The following ZNF407 variants were observed in gnomAD, a reference collection of about 807,000 sequenced individuals.
ZNF407 encodes the protein zinc finger protein 407.
ZNF407 carries 17 observed loss-of-function variants against 131.2 expected under a neutral mutation model. The observed-to-expected ratio is 0.13, with a 90% confidence interval of 0.09 to 0.19. The LOEUF is 0.19. Among genes scored for constraint, ZNF407 ranks in the 10% least tolerant of loss-of-function variants. ZNF407 has a pLI of 1.00. For synonymous variants in ZNF407, 1,156 were observed against 1,062.0 expected (o/e 1.09, Z -1.72); for missense variants, 2,681 against 2,830.6 (o/e 0.95, Z 1.20).
At chr18:74,894,121 A>G (rs1418982350) in intron 7 of ZNF407, among the ~76,000 whole-genome samples, 1 of 152,052 alleles carries the variant, frequency 6.6e-6, no homozygotes, top group Non-Finnish European at 1.5e-5. Flanking sequence ...TGCATTATTA[A>G]TTTAGGCAAT....
intron 4 of ZNF407, among the ~76,000 whole-genome samples, chr18:74,864,203 CT>C (rs1413677887): frequency 1.3e-5 from 2 of 152,170 alleles, no homozygotes; most frequent in African/African-American, 4.8e-5. Flanking sequence ...CTTCCTTCTT[CT>C]TCTGGAGAGG....
At chr18:74,688,665 A>C (rs558623825) in intron 3 of ZNF407, among the ~76,000 whole-genome samples, 175 of 152,222 alleles carry the variant, frequency 1.1e-3, no homozygotes, top group African/African-American at 3.9e-3. Flanking sequence ...TTTAACATTA[A>C]GGTCTGTGAT....
intron 3 of ZNF407, among the ~76,000 whole-genome samples, chr18:74,722,887 T>C (rs567972759): frequency 2.9e-4 from 44 of 152,300 alleles, no homozygotes; most frequent in Non-Finnish European, 5.6e-4. Flanking sequence ...AAAGTTTCTT[T>C]TGTCACATTT....
intron 3 of ZNF407, among the ~76,000 whole-genome samples, chr18:74,765,330 A>G (rs1056158816): frequency 6.6e-6 from 1 of 151,260 alleles, no homozygotes; most frequent in Admixed American, 6.6e-5. Context: ...ATGCCTGGTA[A>G]TTTTTTCATT....
At chr18:74,793,819 A>G (rs963731331) in intron 4 of ZNF407, among the ~76,000 whole-genome samples, 1 of 152,128 alleles carries the variant, frequency 6.6e-6, no homozygotes, top group Non-Finnish European at 1.5e-5. Context: ...GGGAGGAAAG[A>G]CCTTCTTAGA....
chr18:75,033,611 C>T (rs548277314), intron 8 of ZNF407, among the ~76,000 whole-genome samples: 17 of 152,288 alleles, frequency 1.1e-4, no homozygotes, highest in South Asian at 4.1e-4. Context: ...AAGAATCCTG[C>T]GGTCATTTAT....
At chr18:75,028,176 A>G (rs1014457550) in intron 8 of ZNF407, among the ~76,000 whole-genome samples, 4 of 152,186 alleles carry the variant, frequency 2.6e-5, no homozygotes, top group African/African-American at 9.7e-5. Context: ...GCCCTGTGTC[A>G]GTTTGCGAGG....
intron 8 of ZNF407, among the ~76,000 whole-genome samples, chr18:75,003,423 C>CATAG (rs1219564384): frequency 1.3e-5 from 2 of 152,116 alleles, no homozygotes; most frequent in African/African-American, 2.4e-5. Context: ...TGTAGCCTTG[C>CATAG]ATAGAGTTCT....
Position 75,008,467 on chromosome 18 carries a change from A to G in ZNF407, c.5429-54683A>G, listed in dbSNP as rs539211516. ...CCTTGCAGCTGCTCTGCAGACCTCAAATGAGCTCCCAGGTGACAGAAATTG... is the reference window on the plus strand; with the variant it reads ...CCTTGCAGCTGCTCTGCAGACCTCAGATGAGCTCCCAGGTGACAGAAATTG... On this transcript the variant is annotated intron_variant, in intron 8 of 8. Transcript: ENST00000299687. Among the ~76,000 whole-genome samples the G allele has an allele frequency of 2.2e-3, 332 of 152,288 alleles. 2 individuals are homozygous for G. The highest frequency in any genetic ancestry group is 7.3e-3 in the African/African-American group (302 of 41,568).
chr18:74,638,544 T>C (rs890055154), intron 2 of ZNF407, among the ~76,000 whole-genome samples: 6 of 152,232 alleles, frequency 3.9e-5, no homozygotes, highest in Non-Finnish European at 8.8e-5. Context: ...TGCATAGCAA[T>C]AGTCATGACT....
intron 7 of ZNF407, among the ~76,000 whole-genome samples, chr18:74,898,747 C>A (rs935338690): frequency 6.6e-6 from 1 of 152,042 alleles, no homozygotes; most frequent in Non-Finnish European, 1.5e-5. Context: ...CATTTTGTTT[C>A]TTCATCTTAA....
intron 3 of ZNF407, among the ~76,000 whole-genome samples, chr18:74,641,504 C>T (rs1984715620): frequency 6.6e-6 from 1 of 151,832 alleles, no homozygotes; most frequent in Non-Finnish European, 1.5e-5. Context: ...CAATTTTTAT[C>T]ACAGTAGTAG....
intron 4 of ZNF407, among the ~76,000 whole-genome samples, chr18:74,841,448 G>A (rs1970632340): frequency 6.6e-6 from 1 of 152,030 alleles, no homozygotes; most frequent in South Asian, 2.1e-4. Context: ...TTTAAAGTTG[G>A]CGGTACTCCC....
chr18:74,873,129 G>T (rs72977466), intron 4 of ZNF407, among the ~76,000 whole-genome samples: 2 of 152,038 alleles, frequency 1.3e-5, no homozygotes, highest in Non-Finnish European at 2.9e-5. Flanking sequence ...GTTTCTCTGA[G>T]GCCAAAATAT....
chr18:74,879,438 C>T (rs909223700), intron 5 of ZNF407, among the ~76,000 whole-genome samples: 2 of 152,012 alleles, frequency 1.3e-5, no homozygotes, highest in South Asian at 2.1e-4. Context: ...TTGGAGGGAA[C>T]GATTTTGCCT....
At chr18:74,688,381 T>G (rs545262412) in intron 3 of ZNF407, among the ~76,000 whole-genome samples, 1 of 152,326 alleles carries the variant, frequency 6.6e-6, no homozygotes, top group African/African-American at 2.4e-5. Flanking sequence ...CTAACAGATA[T>G]CTATGGGAAC....
chr18:75,013,110 A>G (rs1973001438), intron 8 of ZNF407, among the ~76,000 whole-genome samples: 1 of 152,122 alleles, frequency 6.6e-6, no homozygotes, highest in Non-Finnish European at 1.5e-5. Flanking sequence ...TTAGCCTATA[A>G]TTGAATACAC....
intron 7 of ZNF407, among the ~76,000 whole-genome samples, chr18:74,896,173 C>T (rs1971450992): frequency 6.6e-6 from 1 of 152,042 alleles, no homozygotes; most frequent in Non-Finnish European, 1.5e-5. Flanking sequence ...ATGAAAATGT[C>T]TAGAATTAAT....
intron 4 of ZNF407, among the ~76,000 whole-genome samples, chr18:74,784,383 T>C (rs1056746680): frequency 2.6e-5 from 4 of 152,250 alleles, no homozygotes; most frequent in Admixed American, 1.3e-4. Context: ...GACTGATATA[T>C]GCAAAAATTA....
Sources: gnomAD v4.1 joint callset for allele counts (sites outside exome capture counted in the v4.1 genomes callset) on GRCh38, gnomAD v4.1.1 for gene constraint, MANE v1.5 for transcripts, NCBI Gene and HGNC (gene_info 2026-07-23, HGNC 2026-07-21) for gene names.